COL23A1: variants seen among roughly 807,000 people sequenced by gnomAD.
COL23A1 encodes collagen type XXIII alpha 1 chain.
In COL23A1, 97 loss-of-function variants were observed where a neutral mutation model predicts 99.3. The ratio of observed to expected loss-of-function variants is 0.98; its 90% confidence interval spans 0.83 to 1.16. The LOEUF (loss-of-function observed/expected upper bound fraction) is 1.16. COL23A1 is among the 50% of genes most tolerant of loss of function. The pLI, the probability that COL23A1 is intolerant of heterozygous loss-of-function variation, is 0.00. For missense variants in COL23A1, 762 were observed against 757.4 expected (o/e 1.01, Z -0.07); for synonymous variants, 320 against 308.2 (o/e 1.04, Z -0.40).
At chr5:178,390,133 AG>A (rs1763889215) in intron 2 of COL23A1, among the ~76,000 whole-genome samples, 2 of 152,230 alleles carry the variant, frequency 1.3e-5, no homozygotes, top group African/African-American at 4.8e-5. Flanking sequence ...CCTTGGATTC[AG>A]GGTACTGGTT....
intron 1 of COL23A1, among the ~76,000 whole-genome samples, chr5:178,570,842 G>A (rs1471297938): frequency 1.3e-5 from 2 of 152,032 alleles, no homozygotes; most frequent in Non-Finnish European, 2.9e-5. Flanking sequence ...CAGAGTGTGC[G>A]GAACAGAGGA....
chr5:178,344,598 A>G (rs150199493), intron 2 of COL23A1, among the ~76,000 whole-genome samples: 18,297 of 152,102 alleles, frequency 0.12, 1,190 homozygotes, highest in Middle Eastern at 0.2. Context: ...AGCCGACATC[A>G]TGTCACTGCA....
intron 2 of COL23A1, among the ~76,000 whole-genome samples, chr5:178,331,912 G>A (rs558786218): frequency 6.6e-6 from 1 of 152,218 alleles, no homozygotes; most frequent in Non-Finnish European, 1.5e-5. Context: ...GCCAAGCAAA[G>A]CCACTTGGCT....
Position 178,365,270 on chromosome 5 carries a change from G to C in COL23A1, c.362-58351C>G, listed in dbSNP as rs1762408477. Among the ~76,000 whole-genome samples, 1 of 152,082 alleles carries C rather than the reference G, an allele frequency of 6.6e-6. No individual in the cohort carries two copies. The highest frequency in any genetic ancestry group is 6.5e-5 in the Admixed American group (1 of 15,278). On this transcript the variant is annotated intron_variant, in intron 2 of 28. Transcript: ENST00000390654. The surrounding 1 kb of genome is among the most constrained non-coding windows in gnomAD (Gnocchi z 5.2). ...GAAACCCTGCTCAGGCAGATGGTGT[G>C]GGAGAGCGAGGTTGTGCTTTGATGC...
intron 2 of COL23A1, among the ~76,000 whole-genome samples, chr5:178,488,097 GCA>G (rs1297589151): frequency 6.6e-6 from 1 of 152,176 alleles, no homozygotes. Flanking sequence ...AGGGTGCCTG[GCA>G]CACACGGAGC....
Position 178,444,753 on chromosome 5 carries a change from G to A in COL23A1, c.361+115929C>T, listed in dbSNP as rs997367740. 9.2e-5 allele frequency among the ~76,000 whole-genome samples: 14 copies of A among 152,250 alleles called. 1 individual carries two copies. The East Asian group carries it at 1.2e-3, about 13-fold the overall frequency. ...AGAGGTTGCAGTGAGCTGAGATGGC[G>A]CCACTGCACTCCAACCTGGGCGACA... On this transcript the variant is annotated intron_variant, in intron 2 of 28. Coordinates refer to ENST00000390654, the MANE Select transcript of COL23A1 (RefSeq NM_173465.4).
chr5:178,401,505 T>A (rs142665325), intron 2 of COL23A1, among the ~76,000 whole-genome samples: 161 of 152,388 alleles, frequency 1.1e-3, no homozygotes, highest in African/African-American at 3.8e-3. Flanking sequence ...TCCTGTTTAT[T>A]GCTGCATAGT....
rs1544926 is a variant in COL23A1 at position 178,238,341 on chromosome 5, G to A, written c.*357C>T. 88,916 of 233,896 alleles carry A rather than the reference G, an allele frequency of 0.38. 19,275 individuals are homozygous for A. The highest frequency in any genetic ancestry group is 0.49 in the South Asian group (6,524 of 13,316). 14.5% of individuals were successfully genotyped at this position (233,896 alleles called of 1,614,324 possible). ...CCCAGGGACTCCAGAGTTTTGCGGG[G>A]GCAGGTTCTTACAGGGCAGTACCAC... On this transcript the variant is annotated 3_prime_UTR_variant, in exon 29 of 29. Coordinates refer to ENST00000390654, the MANE Select transcript of COL23A1 (RefSeq NM_173465.4).
At chr5:178,264,981 C>CA (rs1755800133) in intron 8 of COL23A1, among the ~76,000 whole-genome samples, 1 of 152,142 alleles carries the variant, frequency 6.6e-6, no homozygotes, top group African/African-American at 2.4e-5. Context: ...GATGAGCCGG[C>CA]CAGTTCACTG....
rs1333213129 is a variant in COL23A1, at chr5:178,366,252, G to T, written c.362-59333C>A. On this transcript the variant is annotated intron_variant, in intron 2 of 28. Coordinates refer to ENST00000390654, the MANE Select transcript of COL23A1 (RefSeq NM_173465.4). The surrounding 1 kb of genome is among the most constrained non-coding windows in gnomAD (Gnocchi z 4.4). ...AAGGGCCTGCTCCCAGCCCAGCTTG[G>T]CTGTCCAGTGGGGAGGGGCACCGCT... Among the ~76,000 whole-genome samples, 1 of 152,192 alleles carries T rather than the reference G, an allele frequency of 6.6e-6. No homozygotes were observed.
At chr5:178,363,209 C>T (rs1762268465) in intron 2 of COL23A1, among the ~76,000 whole-genome samples, 1 of 151,910 alleles carries the variant, frequency 6.6e-6, no homozygotes, top group African/African-American at 2.4e-5. Flanking sequence ...TCAGCCCATG[C>T]CCTAGAGTTA....
At chr5:178,327,539 G>A (rs915731656) in intron 2 of COL23A1, among the ~76,000 whole-genome samples, 48 of 152,236 alleles carry the variant, frequency 3.2e-4, no homozygotes, top group African/African-American at 1.1e-3. Context: ...GTTCAGACTC[G>A]CCACTCCCTT....
intron 25 of COL23A1, among the ~76,000 whole-genome samples, chr5:178,245,295 C>T (rs1171486535): frequency 7.2e-6 from 1 of 139,028 alleles, no homozygotes; most frequent in Admixed American, 7.1e-5. Flanking sequence ...CCTCCACTGC[C>T]ATCATCATCC....
At chr5:178,483,288 G>C (rs1463517902) in intron 2 of COL23A1, among the ~76,000 whole-genome samples, 1 of 151,914 alleles carries the variant, frequency 6.6e-6, no homozygotes, top group Non-Finnish European at 1.5e-5. Flanking sequence ...ATATGGAGAA[G>C]GCATTAGATG....
chr5:178,314,226 C>T (rs1030482253), intron 2 of COL23A1, among the ~76,000 whole-genome samples: 32 of 92,124 alleles, frequency 3.5e-4, no homozygotes, highest in Non-Finnish European at 6.2e-4. Context: ...AAGCTGCTTA[C>T]GTCCCCCCCA....
chr5:178,250,553 A>T lies in COL23A1; in HGVS notation c.1015-448T>A, dbSNP rs1032746774. On this transcript the variant is annotated intron_variant, in intron 17 of 28. Transcript: ENST00000390654. ...TCAGTTCTTTATTTTTAGCTGGTGG[A>T]TATTTATAAAACACTACCCCCAACA... Among the ~76,000 whole-genome samples, 6 of 152,346 alleles carry T rather than the reference A, an allele frequency of 3.9e-5. 1 individual carries two copies. The highest frequency in any genetic ancestry group is 2.6e-4 in the Admixed American group (4 of 15,296).
rs116172894 is a variant in COL23A1 at position 178,317,357 on chromosome 5, T to C, written c.362-10438A>G. On this transcript the variant is annotated intron_variant, in intron 2 of 28. Transcript: ENST00000390654. ...TTATTTAGCCTTTACTGTTGGTTGT[T>C]AACCAGGCAAGGGCATTAGAATTCC... Among the ~76,000 whole-genome samples, 612 of 152,352 alleles carry C rather than the reference T, an allele frequency of 4.0e-3. 5 individuals are homozygous for C. The highest frequency in any genetic ancestry group is 0.014 in the African/African-American group (588 of 41,576).
At chr5:178,561,241 G>C (rs527741658) in intron 1 of COL23A1, among the ~76,000 whole-genome samples, 3 of 152,180 alleles carry the variant, frequency 2.0e-5, no homozygotes, top group Admixed American at 6.5e-5. Context: ...CTGATGGCCC[G>C]GGTTGAATCA....
At chr5:178,576,723 C>T (rs1763381222) in intron 1 of COL23A1, among the ~76,000 whole-genome samples, 1 of 152,088 alleles carries the variant, frequency 6.6e-6, no homozygotes, top group African/African-American at 2.4e-5. Context: ...CCCCGGGCCC[C>T]GCGCGCCAGG....
Sources: allele counts gnomAD v4.1 joint callset (sites outside exome capture counted in the v4.1 genomes callset), GRCh38; gene constraint gnomAD v4.1.1; non-coding constraint Gnocchi (gnomAD v3.1); transcripts MANE v1.5; gene names NCBI Gene and HGNC (gene_info 2026-07-23, HGNC 2026-07-21).